PRUNE2: variants seen among roughly 807,000 people sequenced by gnomAD.
The protein encoded by PRUNE2 is prune homolog 2 with BCH domain.
Under a neutral mutation model 252.0 loss-of-function variants are expected in PRUNE2, and 164 were observed. That is an observed-to-expected ratio of 0.65 (90% CI 0.57 to 0.74). PRUNE2 has a LOEUF of 0.74. Among genes scored for constraint, PRUNE2 ranks in the 30% least tolerant of loss-of-function variants. The pLI is 0.00. For synonymous variants in PRUNE2, 1,292 were observed against 1,350.2 expected, an observed-to-expected ratio of 0.96 and a Z score of 0.94; for missense variants, 3,495 against 3,711.0, an observed-to-expected ratio of 0.94 and a Z score of 1.51.
chr9:76,783,309 G>T (rs1261226467), intron 6 of PRUNE2, among the ~76,000 whole-genome samples: 1 of 152,004 alleles, frequency 6.6e-6, no homozygotes, highest in Admixed American at 6.5e-5. Flanking sequence ...GCTAATTTTT[G>T]TATTTTTAGT....
rs576137668 is a variant in PRUNE2, at chr9:76,797,281, T to C, written c.756+26351A>G. Among the ~76,000 whole-genome samples, 4 of 152,238 alleles carry C rather than the reference T, an allele frequency of 2.6e-5. No individual in the cohort carries two copies. In the South Asian group the frequency reaches 6.2e-4, roughly 24 times the overall value. On this transcript the variant is annotated intron_variant, in intron 6 of 18. Coordinates refer to ENST00000376718, the MANE Select transcript of PRUNE2 (RefSeq NM_015225.3). ...AAATATTTCTATAGGTATAAATATA[T>C]AAAAATGCACAGAAAAAGAACTGAA...
chr9:76,812,256 A>T (rs2057404477), intron 6 of PRUNE2, among the ~76,000 whole-genome samples: 1 of 152,254 alleles, frequency 6.6e-6, no homozygotes, highest in African/African-American at 2.4e-5. Flanking sequence ...AAGGGAGGCT[A>T]TGGTGGCTGT....
At chr9:76,735,498 C>G (rs1267845495) in intron 6 of PRUNE2, among the ~76,000 whole-genome samples, 1 of 147,880 alleles carries the variant, frequency 6.8e-6, no homozygotes, top group Non-Finnish European at 1.5e-5. Context: ...ACCGAGATAC[C>G]AAAAGAACTG....
In PRUNE2 at chr9:76,709,033, C is replaced by T. The variant is rs1399514250; in HGVS notation, c.3241G>A (p.Asp1081Asn). Residue 1081 changes from aspartate (D) to asparagine (N), a missense_variant, in exon 8 of 19, where the codon GAC becomes AAC. Transcript: ENST00000376718. Reference protein sequence around the residue: ...VGESSQSSYDDPSMMQLYNET... With the variant: ...VGESSQSSYDNPSMMQLYNET... The stretch of plus-strand genomic sequence containing the variant: ...TTGTACAGTTGCATCATGCTGGGGT[C>T]GTCGTAACTGGACTGGCTGCTTTCC... 3 of 1,613,748 alleles carry T rather than the reference C, an allele frequency of 1.9e-6. No individual in the cohort carries two copies. The highest frequency in any genetic ancestry group is 1.7e-6 in the Non-Finnish European group (2 of 1,179,894).
intron 1 of PRUNE2, among the ~76,000 whole-genome samples, chr9:76,860,712 C>T (rs1459578622): frequency 6.6e-6 from 1 of 152,222 alleles, no homozygotes; most frequent in Admixed American, 6.5e-5. Flanking sequence ...TGGAGATTCA[C>T]TTTCCACACA....
At chr9:76,768,394 T>C (rs1293299378) in intron 6 of PRUNE2, among the ~76,000 whole-genome samples, 4 of 152,100 alleles carry the variant, frequency 2.6e-5, no homozygotes, top group Non-Finnish European at 5.9e-5. Flanking sequence ...GGGTTCACCA[T>C]GTTGGCCAAG....
chr9:76,701,187 G>C (rs2045862697), intron 9 of PRUNE2, among the ~76,000 whole-genome samples: 1 of 152,172 alleles, frequency 6.6e-6, no homozygotes, highest in African/African-American at 2.4e-5. Context: ...CAAGTACTCA[G>C]GTGATACTGA....
intron 6 of PRUNE2, among the ~76,000 whole-genome samples, chr9:76,756,335 C>CT (rs2051144704): frequency 6.6e-6 from 1 of 152,254 alleles, no homozygotes; most frequent in African/African-American, 2.4e-5. Context: ...TCCTGGATCA[C>CT]TTACGGCACC....
At chr9:76,891,696 C>T (rs2062482175) in intron 1 of PRUNE2, among the ~76,000 whole-genome samples, 1 of 152,178 alleles carries the variant, frequency 6.6e-6, no homozygotes, top group African/African-American at 2.4e-5. Context: ...GAATCCAAAC[C>T]ACTATGCTCT....
At position 76,727,949 on chromosome 9, in the gene PRUNE2, C is replaced by T. The variant is rs554639441; in HGVS notation, c.757-14228G>A. On this transcript the variant is annotated intron_variant, in intron 6 of 18. Coordinates refer to ENST00000376718, the MANE Select transcript of PRUNE2 (RefSeq NM_015225.3). Reference sequence around the variant, plus strand: ...CAGGCTGGTCTTGAACTCCTGACCTCAGGTGATCTGCCTGCCTCAGCCTAC... The same window carrying T: ...CAGGCTGGTCTTGAACTCCTGACCTTAGGTGATCTGCCTGCCTCAGCCTAC... Among the ~76,000 whole-genome samples, 19 of 152,120 alleles carry T rather than the reference C, an allele frequency of 1.2e-4. No individual in the cohort carries two copies. The East Asian group carries it at 3.7e-3, about 29-fold the overall frequency.
intron 4 of PRUNE2, among the ~76,000 whole-genome samples, chr9:76,837,677 AT>A (rs1171335798): frequency 6.6e-6 from 1 of 151,656 alleles, no homozygotes; most frequent in Non-Finnish European, 1.5e-5. Context: ...AAACTAGTAT[AT>A]GTGTTTATTT....
intron 6 of PRUNE2, among the ~76,000 whole-genome samples, chr9:76,745,953 G>A (rs1383875215): frequency 1.3e-5 from 2 of 152,224 alleles, no homozygotes; most frequent in Admixed American, 6.5e-5. Context: ...GGAATAGCCT[G>A]TGTCCCTACA....
chr9:76,683,471 C>T (rs2043714806), intron 9 of PRUNE2, among the ~76,000 whole-genome samples: 1 of 152,120 alleles, frequency 6.6e-6, no homozygotes. Flanking sequence ...ATAATATGAG[C>T]CAATTAATAT....
At chr9:76,831,588 G>A (rs1235238056) in intron 4 of PRUNE2, among the ~76,000 whole-genome samples, 13 of 151,858 alleles carry the variant, frequency 8.6e-5, no homozygotes, top group Admixed American at 8.5e-4. Context: ...AGATTGTCAG[G>A]GAAATGATAA....
chr9:76,830,741 G>A (rs1564393816), intron 4 of PRUNE2, among the ~76,000 whole-genome samples: 2 of 151,204 alleles, frequency 1.3e-5, no homozygotes, highest in Admixed American at 6.6e-5. Context: ...CTAGGTGCCT[G>A]ATAGTAAAAC....
At chr9:76,806,789 A>T (rs2056974761) in intron 6 of PRUNE2, among the ~76,000 whole-genome samples, 1 of 150,708 alleles carries the variant, frequency 6.6e-6, no homozygotes, top group Non-Finnish European at 1.5e-5. Flanking sequence ...AAGTGCTGGG[A>T]TTACAGGCGT....
chr9:76,657,357 A>G (rs182766629), intron 9 of PRUNE2, among the ~76,000 whole-genome samples: 1 of 152,378 alleles, frequency 6.6e-6, no homozygotes, highest in East Asian at 1.9e-4. Context: ...AAATAAAGAT[A>G]TCAGATTTCT....
rs953010079 is a variant in PRUNE2 at position 76,611,442 on chromosome 9, CTT to C, written c.*3126_*3127del. On this transcript the variant is annotated 3_prime_UTR_variant, in exon 19 of 19. Transcript: ENST00000376718. ...TATAGATATATTGTGTCATTAAAGACTTTTATATTATTAATCTACATTATGGA... is the reference window on the plus strand; with the variant it reads ...TATAGATATATTGTGTCATTAAAGACTTATATTATTAATCTACATTATGGA... 19 of 152,112 alleles carry C rather than the reference CTT, an allele frequency of 1.2e-4. No homozygotes were observed. Among genetic ancestry groups the C allele is most frequent in the African/African-American group, 4.3e-4 (18 of 41,430 alleles). 9.4% of individuals were successfully genotyped at this position (152,112 alleles called of 1,614,324 possible). A position where few individuals can be genotyped will look rare whatever the true frequency, so the allele number is the denominator to read the frequency against.
At chr9:76,644,550 T>C (rs984013696) in intron 12 of PRUNE2, 189 bp downstream of exon 12, 5 of 704,130 alleles carry the variant, frequency 7.1e-6, no homozygotes, top group Non-Finnish European at 1.3e-5. Flanking sequence ...TGTCTTTGCC[T>C]AGTAGGATTT....
Sources: allele counts gnomAD v4.1 joint callset (sites outside exome capture counted in the v4.1 genomes callset), GRCh38; gene constraint gnomAD v4.1.1; transcripts MANE v1.5; gene names NCBI Gene and HGNC (gene_info 2026-07-23, HGNC 2026-07-21).